The following MYO9A variants were observed in gnomAD, a reference collection of about 807,000 sequenced individuals.
The protein encoded by MYO9A is unconventional myosin-IXa.
Under a neutral mutation model 293.3 loss-of-function variants are expected in MYO9A, and 103 were observed. The observed-to-expected ratio is 0.35, with a 90% CI of 0.30 to 0.41. MYO9A has a LOEUF of 0.41. MYO9A is among the 10% of genes least tolerant of loss of function. MYO9A has a pLI of 1.00. For synonymous variants in MYO9A, 1,001 were observed against 1,035.7 expected, an observed-to-expected ratio of 0.97 and a Z score of 0.64; for missense variants, 2,685 against 3,033.0, an observed-to-expected ratio of 0.89 and a Z score of 2.69.
chr15:71,860,547 T>C (rs2056075200), intron 33 of MYO9A, among the ~76,000 whole-genome samples: 1 of 152,038 alleles, frequency 6.6e-6, no homozygotes, highest in Non-Finnish European at 1.5e-5. Flanking sequence ...CTGAATATCC[T>C]TTCTTGAGCT....
chr15:71,962,928 C>T (rs1042244026), intron 13 of MYO9A, among the ~76,000 whole-genome samples: 1 of 152,110 alleles, frequency 6.6e-6, no homozygotes, highest in African/African-American at 2.4e-5. Context: ...TATCAACTGA[C>T]CATATCATTC....
intron 1 of MYO9A, among the ~76,000 whole-genome samples, chr15:72,098,580 C>G (rs945160967): frequency 5.3e-5 from 8 of 151,842 alleles, no homozygotes; most frequent in Admixed American, 5.2e-4. Context: ...AAATGTATAA[C>G]CCTAAATAAG....
chr15:71,862,403 G>A, intron 33 of MYO9A, 97 bp downstream of exon 33: 1 of 918,020 alleles, frequency 1.1e-6, no homozygotes, highest in South Asian at 1.4e-5. Context: ...TTTAGGTAGT[G>A]TAAATAACTC....
chr15:71,854,422 C>A lies in MYO9A; in HGVS notation c.6301G>T (p.Gly2101Cys). Residue 2101 changes from glycine (G) to cysteine (C), a missense_variant, in exon 35 of 42, where the codon GGT becomes TGT. Physicochemically the swap from Gly to Cys is radical, Grantham distance 159 (BLOSUM62 -3). Transcript: ENST00000356056. ...LYTEGIYRKS[G>C]STNKIKELRQ... ...AGCTCCTTGATTTTATTAGTCGAAC[C>A]AGACTTTCGATAAATACCTTCTGTA... The A allele has an allele frequency of 6.2e-7, 1 of 1,606,888 alleles. No homozygotes were observed. Among genetic ancestry groups the A allele is most frequent in the Non-Finnish European group, 8.5e-7 (1 of 1,177,136 alleles).
intron 3 of MYO9A, among the ~76,000 whole-genome samples, chr15:72,030,855 T>TATATTTATA (rs754755319): frequency 1.5e-3 from 224 of 152,298 alleles, no homozygotes; most frequent in Admixed American, 2.4e-3. Context: ...TGACAAAGTT[T>TATATTTATA]AATTTATAAA....
intron 12 of MYO9A, among the ~76,000 whole-genome samples, chr15:71,975,875 T>C (rs1487487657): frequency 6.6e-6 from 1 of 152,146 alleles, no homozygotes; most frequent in African/African-American, 2.4e-5. Flanking sequence ...TTCAGAGAGA[T>C]TCTGAATAGC....
At chr15:72,109,379 G>A (rs1284855839) in intron 1 of MYO9A, among the ~76,000 whole-genome samples, 1 of 149,560 alleles carries the variant, frequency 6.7e-6, no homozygotes, top group African/African-American at 2.5e-5. Context: ...GACAGAGCAA[G>A]GCTCTGTCTA....
At chr15:71,940,926 A>AGGAGGAAGACTCCATCTCAAAGAG (rs2058757716) in intron 15 of MYO9A, among the ~76,000 whole-genome samples, 1 of 151,360 alleles carries the variant, frequency 6.6e-6, no homozygotes, top group South Asian at 2.1e-4. Flanking sequence ...ATCTCAAAGA[A>AGGAGGAAGACTCCATCTCAAAGAG]GAAGGAAGAA....
At chr15:71,997,778 T>TCACG (rs1427945560) in intron 9 of MYO9A, among the ~76,000 whole-genome samples, 8 of 152,020 alleles carry the variant, frequency 5.3e-5, no homozygotes, top group Non-Finnish European at 2.9e-5. Flanking sequence ...AGATACCATC[T>TCACG]CACGTGAGTC....
intron 1 of MYO9A, among the ~76,000 whole-genome samples, chr15:72,052,787 C>T (rs955986748): frequency 6.6e-6 from 1 of 152,180 alleles, no homozygotes; most frequent in African/African-American, 2.4e-5. Context: ...CCAGCATGCT[C>T]GGTTGTGTAG....
In MYO9A at chr15:72,045,952, A is replaced by G; in HGVS notation, c.612T>C (p.Asp204=). The part of the protein sequence containing the change: ...IYNPKYVKMY[D]NHQLGKLEPH... ...GCTCAAGTTTTCCCAGTTGGTGGTT[A>G]TCATACATTTTGACATATTTGGGGT... is the stretch of plus-strand genomic sequence containing the variant. Residue 204 remains aspartate (D), a synonymous_variant, in exon 2 of 42, where the codon GAT becomes GAC. Transcript: ENST00000356056. The G allele has an allele frequency of 1.9e-6, 3 of 1,614,202 alleles. No individual in the cohort carries two copies. The highest frequency in any genetic ancestry group is 2.5e-6 in the Non-Finnish European group (3 of 1,180,032).
Position 72,007,875 on chromosome 15 carries a change from A to G in MYO9A, c.1331T>C (p.Ile444Thr), listed in dbSNP as rs74797455. Residue 444 changes from isoleucine (I) to threonine (T), a missense_variant, in exon 8 of 42, where the codon ATT (isoleucine) becomes ACT (threonine). Ile to Thr is a moderately conservative substitution (Grantham distance 89). Around this residue, in one of 10 missense-constraint regions of MYO9A, gnomAD observed 289 missense variants for 456.8 expected, o/e 0.63. Coordinates refer to ENST00000356056, the MANE Select transcript of MYO9A (RefSeq NM_006901.4). The stretch of plus-strand genomic sequence containing the variant: ...CAGAACTTCAGGATTACAGATATCA[A>G]TGGAGTCATCCCGGTATGTCTTCTT... ...YKKKTYRDDSIDICNPEVLPI... is the reference protein window; with the variant it reads ...YKKKTYRDDSTDICNPEVLPI... 4 of 1,613,332 alleles carry G rather than the reference A, an allele frequency of 2.5e-6. No homozygotes were observed. Among genetic ancestry groups the G allele is most frequent in the Non-Finnish European group, 8.5e-7 (1 of 1,179,508 alleles).
At chr15:72,072,065 C>A (rs1228275104) in intron 1 of MYO9A, among the ~76,000 whole-genome samples, 5 of 141,072 alleles carry the variant, frequency 3.5e-5, no homozygotes, top group Admixed American at 7.0e-5. Context: ...AGAGTGAGAG[C>A]CCATGTCAAA....
chr15:72,103,357 ACAGAAGCAGCAG>A (rs2080440667), intron 1 of MYO9A, among the ~76,000 whole-genome samples: 1 of 147,246 alleles, frequency 6.8e-6, no homozygotes, highest in African/African-American at 2.5e-5. Flanking sequence ...GCAAGCAGAG[ACAGAAGCAGCAG>A]CAGAAGCAGA....
chr15:71,885,355 T>G (rs182550106), intron 27 of MYO9A, among the ~76,000 whole-genome samples: 513 of 152,318 alleles, frequency 3.4e-3, no homozygotes, highest in Non-Finnish European at 4.8e-3. Context: ...AATAATCTAC[T>G]TTATTCTAGA....
At position 71,925,819 on chromosome 15, in the gene MYO9A, T is replaced by C. The variant is rs143488920; in HGVS notation, c.2562+7851A>G. Among the ~76,000 whole-genome samples, 484 of 152,346 alleles carry C rather than the reference T, an allele frequency of 3.2e-3. 1 individual carries two copies. Among genetic ancestry groups the C allele is most frequent in the Non-Finnish European group, 5.5e-3 (377 of 68,028 alleles). On this transcript the variant is annotated intron_variant, in intron 18 of 41. Transcript: ENST00000356056. Reference sequence around the variant, plus strand: ...AGATTTAAAAGACTATATGCCACCATTACATTAATAATATATTCTGAGTTT... The same window carrying C: ...AGATTTAAAAGACTATATGCCACCACTACATTAATAATATATTCTGAGTTT...
chr15:71,824,827 C>T lies in MYO9A; in HGVS notation c.*1753G>A, dbSNP rs1489998365. On this transcript the variant is annotated 3_prime_UTR_variant, in exon 42 of 42. Transcript: ENST00000356056. ...GAGGTAAGACTCCTGCTACCTTTAG[C>T]TGCCACTCAGAATTATGCTCCAAGT... is the stretch of plus-strand genomic sequence containing the variant. 1 of 152,186 alleles carries T rather than the reference C, an allele frequency of 6.6e-6. No homozygotes were observed. Among genetic ancestry groups the T allele is most frequent in the Non-Finnish European group, 1.5e-5 (1 of 68,032 alleles). The allele number at this position is 152,186 out of a possible 1,614,324, so 9.4% of individuals were successfully genotyped here. A position where few individuals can be genotyped will look rare whatever the true frequency, so the allele number is the denominator to read the frequency against.
intron 18 of MYO9A, among the ~76,000 whole-genome samples, chr15:71,926,582 C>T (rs542978523): frequency 1.3e-5 from 2 of 152,222 alleles, no homozygotes; most frequent in East Asian, 3.9e-4. Flanking sequence ...TGGTACATGC[C>T]TATATTTCCA....
At chr15:71,930,865 C>CA (rs1320965824) in intron 18 of MYO9A, among the ~76,000 whole-genome samples, 1 of 152,148 alleles carries the variant, frequency 6.6e-6, no homozygotes, top group East Asian at 1.9e-4. Context: ...TAAAGGTGGT[C>CA]ACCTTGAGGC....
Sources: allele counts gnomAD v4.1 joint callset (sites outside exome capture counted in the v4.1 genomes callset), GRCh38; gene constraint gnomAD v4.1.1; regional missense constraint gnomAD v4.1.1; transcripts MANE v1.5; gene names NCBI Gene and HGNC (gene_info 2026-07-23, HGNC 2026-07-21).